The following CSMD1 variants were observed in gnomAD, a reference collection of about 807,000 sequenced individuals.
CSMD1 encodes the protein CUB and Sushi multiple domains 1, also known as CUB and sushi domain-containing protein 1.
Under a neutral mutation model 417.5 loss-of-function variants are expected in CSMD1, and 213 were observed. The ratio of observed to expected loss-of-function variants is 0.51; its 90% confidence interval spans 0.46 to 0.57. The LOEUF is 0.57. Ranked by LOEUF, CSMD1 falls within the 20% of genes least tolerant of loss-of-function variation. The pLI is 0.00. For synonymous variants in CSMD1, 2,862 were observed against 1,736.8 expected, an observed-to-expected ratio of 1.65 and a Z score of -16.11; for missense variants, 6,923 against 4,529.7, an observed-to-expected ratio of 1.53 and a Z score of -15.17.
intron 5 of CSMD1, among the ~76,000 whole-genome samples, chr8:3,810,503 C>T (rs1047654668): frequency 6.6e-6 from 1 of 152,064 alleles, no homozygotes; most frequent in South Asian, 2.1e-4. Context: ...TGGGGCTGGT[C>T]ATGGAAGAGG....
intron 1 of CSMD1, among the ~76,000 whole-genome samples, chr8:4,647,790 T>G (rs1236285970): frequency 6.6e-6 from 1 of 152,230 alleles, no homozygotes; most frequent in African/African-American, 2.4e-5. Flanking sequence ...GTGTATGTAC[T>G]GGATTTTCTT....
At chr8:4,283,673 T>G (rs951422888) in intron 3 of CSMD1, among the ~76,000 whole-genome samples, 3 of 152,184 alleles carry the variant, frequency 2.0e-5, no homozygotes, top group Admixed American at 1.3e-4. Flanking sequence ...ACCTCAGTTT[T>G]CCACATTCAC....
At chr8:4,238,577 T>C (rs1012060428) in intron 3 of CSMD1, among the ~76,000 whole-genome samples, 5 of 152,190 alleles carry the variant, frequency 3.3e-5, no homozygotes, top group Admixed American at 2.6e-4. Context: ...TGTGTCCATA[T>C]TACTTAACTC....
intron 3 of CSMD1, among the ~76,000 whole-genome samples, chr8:4,347,427 A>G (rs1488812156): frequency 1.3e-5 from 2 of 152,182 alleles, no homozygotes; most frequent in African/African-American, 4.8e-5. Flanking sequence ...TTACTTAAAT[A>G]TTTTAGCCAA....
At chr8:4,287,117 G>T (rs189749189) in intron 3 of CSMD1, among the ~76,000 whole-genome samples, 2 of 152,252 alleles carry the variant, frequency 1.3e-5, no homozygotes, top group East Asian at 1.9e-4. Flanking sequence ...ACAAACAAGG[G>T]TTCTTCAACA....
chr8:3,323,435 G>A (rs1363228896), intron 23 of CSMD1, among the ~76,000 whole-genome samples: 6 of 151,300 alleles, frequency 4.0e-5, no homozygotes, highest in African/African-American at 2.4e-5. Flanking sequence ...AGAAACGCTG[G>A]TCCATTCTGA....
At chr8:2,962,675 C>T in intron 60 of CSMD1, 36 bp from the exon 61 acceptor site, 6 of 1,598,582 alleles carry the variant, frequency 3.8e-6, no homozygotes, top group East Asian at 2.2e-5. Context: ...CAGCCTTCAA[C>T]GTCCCTGGAT....
intron 5 of CSMD1, among the ~76,000 whole-genome samples, chr8:3,948,315 TA>T (rs1368668666): frequency 1.3e-5 from 2 of 151,938 alleles, no homozygotes; most frequent in African/African-American, 2.4e-5. Context: ...ATTTGAAGAG[TA>T]TAAGGGGCTT....
At chr8:3,500,000 T>C (rs1014915155) in intron 10 of CSMD1, among the ~76,000 whole-genome samples, 2 of 152,022 alleles carry the variant, frequency 1.3e-5, no homozygotes, top group Non-Finnish European at 2.9e-5. Flanking sequence ...ATGAGGCCTG[T>C]GGGGGCTTTT....
At chr8:4,724,716 G>T (rs934832394) in intron 1 of CSMD1, among the ~76,000 whole-genome samples, 1 of 152,006 alleles carries the variant, frequency 6.6e-6, no homozygotes, top group African/African-American at 2.4e-5. Flanking sequence ...ATGTATCTTG[G>T]TAAGATTAAT....
intron 1 of CSMD1, among the ~76,000 whole-genome samples, chr8:4,839,226 C>T (rs982785628): frequency 1.3e-5 from 2 of 152,152 alleles, no homozygotes; most frequent in African/African-American, 4.8e-5. Context: ...TGCAAACTTC[C>T]TTTTAATAAA....
chr8:3,917,798 T>C (rs77869471), intron 5 of CSMD1, among the ~76,000 whole-genome samples: 1 of 152,172 alleles, frequency 6.6e-6, no homozygotes, highest in African/African-American at 2.4e-5. Context: ...TTATTAGTTT[T>C]GCCATTAGCA....
chr8:3,500,149 G>T (rs1347030207), intron 10 of CSMD1, among the ~76,000 whole-genome samples: 2 of 152,114 alleles, frequency 1.3e-5, no homozygotes, highest in Non-Finnish European at 2.9e-5. Flanking sequence ...TCTTTATGCT[G>T]CCATCTTGAG....
chr8:3,273,206 T>A (rs1802002927), intron 26 of CSMD1, among the ~76,000 whole-genome samples: 1 of 151,018 alleles, frequency 6.6e-6, no homozygotes, highest in African/African-American at 2.4e-5. Context: ...GTTTTTGTCT[T>A]TGGTTCTGTT....
intron 3 of CSMD1, among the ~76,000 whole-genome samples, chr8:4,192,180 C>A (rs145427542): frequency 6.6e-6 from 1 of 152,128 alleles, no homozygotes; most frequent in Non-Finnish European, 1.5e-5. Flanking sequence ...AAAGGCTCAA[C>A]AGATGGCTTT....
intron 41 of CSMD1, among the ~76,000 whole-genome samples, chr8:3,127,105 G>C (rs1333712472): frequency 6.6e-6 from 1 of 152,228 alleles, no homozygotes; most frequent in Admixed American, 6.5e-5. Context: ...TCAGGTCCTA[G>C]TTTCTAAGAG....
At chr8:3,823,023 T>A (rs1311619610) in intron 5 of CSMD1, among the ~76,000 whole-genome samples, 1 of 152,154 alleles carries the variant, frequency 6.6e-6, no homozygotes, top group Non-Finnish European at 1.5e-5. Context: ...GCTGAAAACA[T>A]AATTCGGCAT....
chr8:3,119,245 T>C (rs1462141587), intron 41 of CSMD1, among the ~76,000 whole-genome samples: 2 of 150,284 alleles, frequency 1.3e-5, no homozygotes, highest in African/African-American at 4.9e-5. Flanking sequence ...TGGGTGAACA[T>C]ATACCTAATA....
intron 1 of CSMD1, among the ~76,000 whole-genome samples, chr8:4,815,169 G>C (rs1050575991): frequency 6.6e-6 from 1 of 152,082 alleles, no homozygotes; most frequent in Non-Finnish European, 1.5e-5. Context: ...AATAATGAAT[G>C]TCTCCAGATC....
Sources: allele counts gnomAD v4.1 joint callset (sites outside exome capture counted in the v4.1 genomes callset), GRCh38; gene constraint gnomAD v4.1.1; transcripts MANE v1.5; gene names NCBI Gene and HGNC (gene_info 2026-07-23, HGNC 2026-07-21).